The following DACT2 variants were observed in gnomAD, a reference collection of about 807,000 sequenced individuals.
DACT2 encodes the protein dishevelled binding antagonist of beta catenin 2, also known as dapper homolog 2.
In DACT2, 20 loss-of-function variants were observed where a neutral mutation model predicts 22.2. The observed-to-expected ratio is 0.90, with a 90% CI of 0.63 to 1.31. DACT2 has a LOEUF of 1.31. DACT2 is among the 50% of genes most tolerant of loss of function. The pLI, the probability that DACT2 is intolerant of heterozygous loss-of-function variation, is 0.00. For synonymous variants in DACT2, 463 were observed against 479.8 expected (o/e 0.96, Z 0.46); for missense variants, 1,048 against 1,061.4 (o/e 0.99, Z 0.18).
At chr6:168,312,540 C>T (rs574678118) in intron 1 of DACT2, among the ~76,000 whole-genome samples, 20 of 152,340 alleles carry the variant, frequency 1.3e-4, no homozygotes, top group African/African-American at 3.6e-4. Flanking sequence ...TGAGAGGCTG[C>T]GCCTTCTCCT....
chr6:168,304,951 A>AAGCTACTGGAG (rs918134504), downstream of DACT2, among the ~76,000 whole-genome samples: 2 of 152,284 alleles, frequency 1.3e-5, no homozygotes, highest in Admixed American at 6.5e-5. Flanking sequence ...CTTTACTCCA[A>AAGCTACTGGAG]AGCTACTGGA....
chr6:168,319,440 T>G lies in DACT2; in HGVS notation c.194A>C (p.His65Pro). ...PAAPCGPHGLHGPEQQLEAAL... is the reference protein window; with the variant it reads ...PAAPCGPHGLPGPEQQLEAAL... Reference sequence around the variant, plus strand: ...CGCCTCCAGCTGCTGCTCGGGGCCGTGGAGGCCGTGGGGGCCGCAGGGCGC... The same window carrying G: ...CGCCTCCAGCTGCTGCTCGGGGCCGGGGAGGCCGTGGGGGCCGCAGGGCGC... Residue 65 changes from histidine to proline, a missense_variant, in exon 1 of 4, where the codon CAC becomes CCC. By Grantham distance (77) the His-to-Pro change is moderately conservative. Transcript: ENST00000366795. 4 of 1,205,594 alleles carry G rather than the reference T, an allele frequency of 3.3e-6. No homozygotes were observed. Among genetic ancestry groups the G allele is most frequent in the Non-Finnish European group, 4.1e-6 (4 of 971,968 alleles). 74.7% of individuals were successfully genotyped at this position (1,205,594 alleles called of 1,614,324 possible).
At chr6:168,309,717 C>G (rs1436831532) in intron 3 of DACT2, among the ~76,000 whole-genome samples, 1 of 152,212 alleles carries the variant, frequency 6.6e-6, no homozygotes, top group East Asian at 1.9e-4. Context: ...TATTACTAAA[C>G]CAGGCCTTGT....
chr6:168,308,554 G>GCCCCTGCCAGCA lies in DACT2; in HGVS notation c.1202_1203insTGCTGGCAGGGG (p.Ala398_Gly401dup). ...GCATGTATCCCTGCTGCTGGGGCCC[G>GCCCCTGCCAGCA]CCCCTGCCGGCACCCCTGCTCTGAG... On this transcript the variant is annotated inframe_insertion, in exon 4 of 4. Transcript: ENST00000366795. 1.3e-6 allele frequency: 2 copies of GCCCCTGCCAGCA among 1,549,318 alleles called. No homozygotes were observed. The highest frequency in any genetic ancestry group is 1.2e-5 in the South Asian group (1 of 84,026).
chr6:168,309,297 G>A (rs910510287), intron 3 of DACT2, among the ~76,000 whole-genome samples, 199 bp from the exon 4 acceptor site: 3 of 149,502 alleles, frequency 2.0e-5, no homozygotes, highest in African/African-American at 7.4e-5. Context: ...ACGGGAATGC[G>A]TTTAAGACAC....
downstream of DACT2, among the ~76,000 whole-genome samples, chr6:168,306,076 T>C (rs917860701): frequency 6.6e-6 from 1 of 152,292 alleles, no homozygotes; most frequent in African/African-American, 2.4e-5. Context: ...AGACGTGAAG[T>C]TCCTTACAGG....
At chr6:168,313,576 C>T (rs1562499487) in intron 1 of DACT2, among the ~76,000 whole-genome samples, 1 of 152,298 alleles carries the variant, frequency 6.6e-6, no homozygotes, top group East Asian at 1.9e-4. Context: ...AAGCCTGGAT[C>T]CAAACAAAGG....
intron 3 of DACT2, 35 bp from the exon 4 acceptor site, chr6:168,309,133 C>A: frequency 6.8e-7 from 1 of 1,478,118 alleles, no homozygotes; most frequent in Non-Finnish European, 9.0e-7. Flanking sequence ...CACGTAACTA[C>A]GGAGACGATT....
Position 168,296,304 on chromosome 6 carries a change from G to C in DACT2, c.659-1600C>G, listed in dbSNP as rs539724370. ...GGACAGGCACCCAGAATCAGGGAAA[G>C]AGTGGATCCATCCACAGTGGTGAGA... is the stretch of plus-strand genomic sequence containing the variant. On this transcript the variant is annotated intron_variant, in intron 3 of 5. Transcript: ENST00000366796. 2.7e-5 allele frequency among the ~76,000 whole-genome samples: 4 copies of C among 148,764 alleles called. No individual in the cohort carries two copies. In the East Asian group the frequency reaches 6.0e-4, roughly 22 times the overall value.
chr6:168,310,130 CTGAGA>C (rs1562497430), intron 3 of DACT2, 33 bp downstream of exon 3: 2 of 1,545,066 alleles, frequency 1.3e-6, no homozygotes, highest in Non-Finnish European at 8.7e-7. Flanking sequence ...TCCCCTGTGC[CTGAGA>C]TGAGACCCCC....
At position 168,309,093 on chromosome 6, in the gene DACT2, G is replaced by A. The variant is rs1252368867; in HGVS notation, c.664C>T (p.Leu222Phe). The change falls in exon 4 of 4, where the codon CTT (leucine) becomes TTT (phenylalanine). Residue 222 changes from leucine (L) to phenylalanine (F), a missense_variant. Transcript: ENST00000366795. Reference protein sequence around the residue: ...FWPRPVSTGDLDRALPADTGL... With the variant: ...FWPRPVSTGDFDRALPADTGL... ...GTGTCCGCCGGCAGGGCTCTGTCAAGATCACCTGGGAGCGAGAAAAATGAA... is the reference window on the plus strand; with the variant it reads ...GTGTCCGCCGGCAGGGCTCTGTCAAAATCACCTGGGAGCGAGAAAAATGAA... 1 of 1,520,868 alleles carries A rather than the reference G, an allele frequency of 6.6e-7. No homozygotes were observed. Among genetic ancestry groups the A allele is most frequent in the African/African-American group, 1.4e-5 (1 of 72,684 alleles). 94.2% of individuals were successfully genotyped at this position (1,520,868 alleles called of 1,614,324 possible).
downstream of DACT2, among the ~76,000 whole-genome samples, chr6:168,305,857 A>G (rs1404979439): frequency 6.6e-6 from 1 of 152,234 alleles, no homozygotes; most frequent in Non-Finnish European, 1.5e-5. Context: ...AGCTTGAGGA[A>G]GATTCTGGCC....
Position 168,308,729 on chromosome 6 carries a change from C to T in DACT2, c.1028G>A (p.Arg343Gln), listed in dbSNP as rs565295919. 1.4e-4 allele frequency: 218 copies of T among 1,550,566 alleles called. No individual in the cohort carries two copies. In the South Asian group the frequency reaches 1.7e-3, roughly 12 times the overall value. The change falls in exon 4 of 4, where the codon CGG (arginine) becomes CAG (glutamine). Residue 343 changes from arginine (R) to glutamine (Q), a missense_variant. Arg to Gln is a conservative substitution (Grantham distance 43). Coordinates refer to ENST00000366795, the MANE Select transcript of DACT2 (RefSeq NM_214462.5). Reference sequence around the variant, plus strand: ...CTCGCTACCCTTTGCTGGGGTCTCCCGGCCCCACAGATGCAGCAACCTGTC... The same window carrying T: ...CTCGCTACCCTTTGCTGGGGTCTCCTGGCCCCACAGATGCAGCAACCTGTC... ...YIDRLLHLWG[R>Q]ETPAKGSEGE...
intron 3 of DACT2, among the ~76,000 whole-genome samples, chr6:168,296,608 G>A (rs1779013531): frequency 6.6e-6 from 1 of 152,220 alleles, no homozygotes; most frequent in African/African-American, 2.4e-5. Flanking sequence ...TGGTCATGGA[G>A]GACAAGCACC....
chr6:168,308,559 T>C lies in DACT2; in HGVS notation c.1198A>G (p.Arg400Gly). Residue 400 changes from arginine (R) to glycine (G), a missense_variant, in exon 4 of 4, where the codon AGG becomes GGG. By Grantham distance (125) the Arg-to-Gly change is moderately radical. Transcript: ENST00000366795. ...TATCCCTGCTGCTGGGGCCCGCCCC[T>C]GCCGGCACCCCTGCTCTGAGCTGGC... ...GGPAQSRGAGRGGPQQQGYMP... is the reference protein window; with the variant it reads ...GGPAQSRGAGGGGPQQQGYMP... The C allele has an allele frequency of 6.5e-7, 1 of 1,549,622 alleles. No homozygotes were observed. Among genetic ancestry groups the C allele is most frequent in the Non-Finnish European group, 8.7e-7 (1 of 1,146,942 alleles).
At chr6:168,296,483 C>G (rs749249812) in intron 3 of DACT2, among the ~76,000 whole-genome samples, 27 of 144,790 alleles carry the variant, frequency 1.9e-4, no homozygotes, top group South Asian at 6.5e-4. Context: ...TCATGGAGGA[C>G]AGGCACCCAG....
In DACT2 at chr6:168,308,554, G is replaced by GCCGGCA. The variant is rs1562495858; in HGVS notation, c.1202_1203insTGCCGG (p.Gly401_Gly402insAlaGly). The GCCGGCA allele has an allele frequency of 6.5e-6, 10 of 1,549,250 alleles. 1 individual carries two copies. The African/African-American group carries it at 1.1e-4, about 17-fold the overall frequency. On this transcript the variant is annotated inframe_insertion, in exon 4 of 4. Transcript: ENST00000366795. ...GCATGTATCCCTGCTGCTGGGGCCC[G>GCCGGCA]CCCCTGCCGGCACCCCTGCTCTGAG...
chr6:168,294,709 T>C, intron 3 of DACT2: 1 of 1,466,126 alleles, frequency 6.8e-7, no homozygotes, highest in Non-Finnish European at 9.0e-7. Context: ...ACAGCTCTGG[T>C]AAGAACAAAA....
rs1247169475 is a variant in DACT2, at chr6:168,308,707, G to A, written c.1050C>T (p.Ser350=). 1.9e-6 allele frequency: 3 copies of A among 1,548,664 alleles called. No individual in the cohort carries two copies. The highest frequency in any genetic ancestry group is 2.6e-6 in the Non-Finnish European group (3 of 1,146,866). The change falls in exon 4 of 4, where the codon AGC becomes AGT. Residue 350 remains serine, a synonymous_variant. Coordinates refer to ENST00000366795, the MANE Select transcript of DACT2 (RefSeq NM_214462.5). ...GCCTTAGAGGTCCCTGTTCTCCCTC[G>A]CTACCCTTTGCTGGGGTCTCCCGGC... ...LWGRETPAKG[S]EGEQGPLRHA...
Sources: allele counts gnomAD v4.1 joint callset (sites outside exome capture counted in the v4.1 genomes callset), GRCh38; gene constraint gnomAD v4.1.1; transcripts MANE v1.5; gene names NCBI Gene and HGNC (gene_info 2026-07-23, HGNC 2026-07-21).